The following ABLIM2 variants were observed in gnomAD, a reference collection of about 807,000 sequenced individuals.
ABLIM2 encodes actin binding LIM protein family member 2.
In ABLIM2, 53 loss-of-function variants were observed where a neutral mutation model predicts 97.7. That is an observed-to-expected ratio of 0.54 (90% CI 0.44 to 0.68). The LOEUF is 0.68. Ranked by LOEUF, ABLIM2 falls within the 30% of genes least tolerant of loss-of-function variation. The pLI is 0.00. For missense variants in ABLIM2, 835 were observed against 867.2 expected (o/e 0.96, Z 0.47); for synonymous variants, 361 against 345.8 (o/e 1.04, Z -0.49).
At chr4:8,133,085 C>T (rs966344636) in intron 1 of ABLIM2, among the ~76,000 whole-genome samples, 5 of 152,164 alleles carry the variant, frequency 3.3e-5, no homozygotes, top group East Asian at 3.9e-4. Flanking sequence ...TGCTGGCAGC[C>T]GGCAATCCTC....
intron 1 of ABLIM2, among the ~76,000 whole-genome samples, chr4:8,135,278 C>G (rs1850024927): frequency 6.6e-6 from 1 of 152,240 alleles, no homozygotes; most frequent in South Asian, 2.1e-4. Context: ...CCGCAACAGA[C>G]AACTAGGGGT....
intron 16 of ABLIM2, 66 bp downstream of exon 16, chr4:8,007,993 C>A: frequency 6.3e-7 from 1 of 1,595,562 alleles, no homozygotes; most frequent in Non-Finnish European, 8.6e-7. Flanking sequence ...GCTCTGAGTT[C>A]TGGGGCCTCT....
chr4:8,093,423 C>A (rs1829913144), intron 3 of ABLIM2, among the ~76,000 whole-genome samples: 1 of 152,168 alleles, frequency 6.6e-6, no homozygotes, highest in Admixed American at 6.5e-5. Flanking sequence ...CTTTGCGTGT[C>A]TAAAAAAGTC....
chr4:8,019,056 C>A lies in ABLIM2; in HGVS notation c.1423+562G>T, dbSNP rs113343700. ...CATGGCCCACGCAAGCTGCTCCCTGCGCACCTCCCAGGCAGGTTCACGTGG... is the reference window on the plus strand; with the variant it reads ...CATGGCCCACGCAAGCTGCTCCCTGAGCACCTCCCAGGCAGGTTCACGTGG... On this transcript the variant is annotated intron_variant, in intron 14 of 20. Transcript: ENST00000447017. The surrounding 1 kb of genome is among the most constrained non-coding windows in gnomAD (Gnocchi z 4.3). Among the ~76,000 whole-genome samples the A allele has an allele frequency of 1.5e-3, 231 of 152,304 alleles. No individual in the cohort carries two copies. Among genetic ancestry groups the A allele is most frequent in the African/African-American group, 5.1e-3 (210 of 41,560 alleles).
At chr4:8,131,991 T>A (rs1429291533) in intron 1 of ABLIM2, among the ~76,000 whole-genome samples, 1 of 133,940 alleles carries the variant, frequency 7.5e-6, no homozygotes, top group African/African-American at 3.0e-5. Context: ...GCAGCCCGCA[T>A]CCCCTGCACA....
rs966540164 is a variant in ABLIM2, at chr4:8,132,564, C to T, written c.11-25927G>A. On this transcript the variant is annotated intron_variant, in intron 1 of 20. Transcript: ENST00000447017. The surrounding 1 kb of genome is among the most constrained non-coding windows in gnomAD (Gnocchi z 8.0). The stretch of plus-strand genomic sequence containing the variant: ...CCGTGGGGATGCTCCAGGCACCTCA[C>T]GGTCAGAAAACAGAATGCGGAAGGC... 3.3e-5 allele frequency among the ~76,000 whole-genome samples: 5 copies of T among 152,260 alleles called. No individual in the cohort carries two copies. Among genetic ancestry groups the T allele is most frequent in the East Asian group, 1.9e-4 (1 of 5,176 alleles).
In ABLIM2 at chr4:7,998,925, G is replaced by A. The variant is rs1755262413; in HGVS notation, c.1619-5998C>T. Among the ~76,000 whole-genome samples the A allele has an allele frequency of 6.6e-6, 1 of 152,224 alleles. No homozygotes were observed. The highest frequency in any genetic ancestry group is 2.4e-5 in the African/African-American group (1 of 41,444). On this transcript the variant is annotated intron_variant, in intron 16 of 20. Coordinates refer to ENST00000447017, the MANE Select transcript of ABLIM2 (RefSeq NM_001130083.2). The surrounding 1 kb of genome is among the most constrained non-coding windows in gnomAD (Gnocchi z 6.4). The stretch of plus-strand genomic sequence containing the variant: ...GCTGTATGTAGCAGAGAAGAGCAGA[G>A]AGAGACGAGGCGACACTATCTCACC...
At chr4:8,045,867 C>G (rs1442688526) in intron 8 of ABLIM2, among the ~76,000 whole-genome samples, 1 of 152,118 alleles carries the variant, frequency 6.6e-6, no homozygotes, top group African/African-American at 2.4e-5. Flanking sequence ...CTCGCTGCAG[C>G]TTAGTCCACT....
At chr4:8,040,324 AG>A (rs1787538225) in intron 9 of ABLIM2, among the ~76,000 whole-genome samples, 1 of 152,056 alleles carries the variant, frequency 6.6e-6, no homozygotes, top group Non-Finnish European at 1.5e-5. Context: ...GATAAAAAGC[AG>A]GGTGGCCAGG....
At chr4:8,024,317 A>AC (rs1252573144) in intron 12 of ABLIM2, among the ~76,000 whole-genome samples, 1 of 151,468 alleles carries the variant, frequency 6.6e-6, no homozygotes, top group Non-Finnish European at 1.5e-5. Flanking sequence ...ACTGAAATTC[A>AC]CACAAAAGTG....
At position 8,149,932 on chromosome 4, in the gene ABLIM2, C is replaced by T. The variant is rs1461837552; in HGVS notation, c.10+8748G>A. ...GAGTCCCCACTTGCCAGAGTGGTGGCCCCCATCCAAATGCCCCCTCCTGGC... is the reference window on the plus strand; with the variant it reads ...GAGTCCCCACTTGCCAGAGTGGTGGTCCCCATCCAAATGCCCCCTCCTGGC... On this transcript the variant is annotated intron_variant, in intron 1 of 20. Transcript: ENST00000447017. This position sits in a 1 kb window ranked among gnomAD's most constrained non-coding sequence, Gnocchi z 6.4. Among the ~76,000 whole-genome samples, 1 of 151,992 alleles carries T rather than the reference C, an allele frequency of 6.6e-6. No homozygotes were observed.
At chr4:8,076,530 A>T (rs1309145090) in intron 6 of ABLIM2, among the ~76,000 whole-genome samples, 2 of 150,922 alleles carry the variant, frequency 1.3e-5, no homozygotes, top group East Asian at 3.9e-4. Flanking sequence ...CCCCAGCCCC[A>T]CCCTATCCTC....
At chr4:8,012,312 C>T (rs1765527731) in intron 14 of ABLIM2, among the ~76,000 whole-genome samples, 1 of 151,444 alleles carries the variant, frequency 6.6e-6, no homozygotes, top group Non-Finnish European at 1.5e-5. Context: ...ATCCTTCACC[C>T]ATCCATCCAT....
intron 12 of ABLIM2, among the ~76,000 whole-genome samples, chr4:8,024,197 A>G (rs931256344): frequency 6.6e-6 from 1 of 152,146 alleles, no homozygotes; most frequent in East Asian, 1.9e-4. Flanking sequence ...GAGTGGGCCC[A>G]CCGCTCAGCA....
Position 8,048,235 on chromosome 4 carries a change from C to T in ABLIM2, c.823-2994G>A, listed in dbSNP as rs147560366. Among the ~76,000 whole-genome samples the T allele has an allele frequency of 8.2e-3, 1,251 of 152,308 alleles. 13 individuals are homozygous for T. Among genetic ancestry groups the T allele is most frequent in the Non-Finnish European group, 0.014 (941 of 68,014 alleles). ...GGGAGGAGGCTGGAGCTTTTTCTGA[C>T]TTTCTCCCTACCCAACTCCAATCGC... On this transcript the variant is annotated intron_variant, in intron 8 of 20. Coordinates refer to ENST00000447017, the MANE Select transcript of ABLIM2 (RefSeq NM_001130083.2).
chr4:8,151,724 C>T (rs374651026), intron 1 of ABLIM2, among the ~76,000 whole-genome samples: 3 of 152,096 alleles, frequency 2.0e-5, no homozygotes, highest in East Asian at 1.9e-4. Flanking sequence ...CACAGAGGGA[C>T]GATGACTTGT....
intron 17 of ABLIM2, 46 bp from the exon 18 acceptor site, chr4:7,984,939 G>T (rs375920435): frequency 7.0e-4 from 1,113 of 1,589,062 alleles, no homozygotes; most frequent in Middle Eastern, 2.3e-3. Context: ...GGCGGCACGA[G>T]GGTGTGTGGA....
At position 8,046,301 on chromosome 4, in the gene ABLIM2, C is replaced by T. The variant is rs1792372754; in HGVS notation, c.823-1060G>A. Among the ~76,000 whole-genome samples the T allele has an allele frequency of 6.6e-6, 1 of 152,158 alleles. No homozygotes were observed. Among genetic ancestry groups the T allele is most frequent in the African/African-American group, 2.4e-5 (1 of 41,438 alleles). On this transcript the variant is annotated intron_variant, in intron 8 of 20. Transcript: ENST00000447017. The surrounding 1 kb of genome is among the most constrained non-coding windows in gnomAD (Gnocchi z 4.4). ...GTCCCCACACCTCTGGCTGCACCTGCTGTCCCTCCCCACCTGCAGGGCAGG... is the reference window on the plus strand; with the variant it reads ...GTCCCCACACCTCTGGCTGCACCTGTTGTCCCTCCCCACCTGCAGGGCAGG...
At chr4:8,066,552 C>T (rs923569898) in intron 6 of ABLIM2, 1 of 152,176 alleles carries the variant, frequency 6.6e-6, no homozygotes, top group African/African-American at 2.4e-5. Context: ...GTATCTATGC[C>T]AGGGAGTATT....
Sources: gnomAD v4.1 joint callset for allele counts (sites outside exome capture counted in the v4.1 genomes callset) on GRCh38, gnomAD v4.1.1 for gene constraint, Gnocchi (gnomAD v3.1) non-coding constraint, MANE v1.5 for transcripts, NCBI Gene and HGNC (gene_info 2026-07-23, HGNC 2026-07-21) for gene names.